TFDP2: variants seen among roughly 807,000 people sequenced by gnomAD.
TFDP2 encodes the protein transcription factor Dp-2, also known as transcription factor Dp-2 (E2F dimerization partner 2).
In TFDP2, 17 loss-of-function variants were observed where a neutral mutation model predicts 59.3. The ratio of observed to expected loss-of-function variants is 0.29; its 90% CI spans 0.20 to 0.43. TFDP2 has a LOEUF of 0.43. Among genes scored for constraint, TFDP2 ranks in the 20% least tolerant of loss-of-function variants. The pLI is 1.00. For missense variants in TFDP2, 391 were observed against 528.8 expected, an observed-to-expected ratio of 0.74 and a Z score of 2.56; for synonymous variants, 180 against 194.7, an observed-to-expected ratio of 0.92 and a Z score of 0.63.
intron 3 of TFDP2, among the ~76,000 whole-genome samples, chr3:142,064,374 T>C (rs780343495): frequency 6.6e-6 from 1 of 152,320 alleles, no homozygotes; most frequent in African/African-American, 2.4e-5. Context: ...GTAATCTTTA[T>C]AACATGCCCT....
intron 3 of TFDP2, among the ~76,000 whole-genome samples, chr3:142,077,620 C>A (rs2060504527): frequency 1.3e-5 from 2 of 152,202 alleles, no homozygotes; most frequent in South Asian, 4.2e-4. Flanking sequence ...CCAGTCCTGG[C>A]AGGATTCCTC....
chr3:142,078,616 A>G (rs1022123107), intron 3 of TFDP2, among the ~76,000 whole-genome samples: 4 of 152,214 alleles, frequency 2.6e-5, no homozygotes, highest in African/African-American at 9.6e-5. Flanking sequence ...TGCCATGACT[A>G]AAAACTTGAA....
At chr3:141,990,133 A>G (rs957147377) in intron 6 of TFDP2, among the ~76,000 whole-genome samples, 1 of 152,164 alleles carries the variant, frequency 6.6e-6, no homozygotes, top group African/African-American at 2.4e-5. Flanking sequence ...ACCTCAAGTG[A>G]TATGGCCACC....
intron 1 of TFDP2, among the ~76,000 whole-genome samples, chr3:142,106,794 A>G (rs1057482755): frequency 4.6e-5 from 7 of 152,080 alleles, no homozygotes; most frequent in African/African-American, 1.2e-4. Context: ...AGACAATGCA[A>G]CTCCCACAGA....
intron 11 of TFDP2, among the ~76,000 whole-genome samples, chr3:141,954,324 G>T (rs1333552501): frequency 6.6e-6 from 1 of 151,978 alleles, no homozygotes; most frequent in Non-Finnish European, 1.5e-5. Flanking sequence ...TTAGCTCAAA[G>T]AAGGCAGTAA....
rs1273113073 is a variant in TFDP2, at chr3:142,073,566, G to A, written c.82+19495C>T. 1.1e-4 allele frequency among the ~76,000 whole-genome samples: 16 copies of A among 148,976 alleles called. No homozygotes were observed. The Admixed American group carries it at 1.1e-3, about 10-fold the overall frequency. On this transcript the variant is annotated intron_variant, in intron 3 of 12. Coordinates refer to ENST00000489671, the MANE Select transcript of TFDP2 (RefSeq NM_001178139.2). ...TTATATTGGACAGAGGAGTGAATGA[G>A]AGGTGACAATGGCACTGAAAGCGTA...
chr3:142,004,968 G>T (rs565419002), intron 4 of TFDP2, among the ~76,000 whole-genome samples: 3 of 152,296 alleles, frequency 2.0e-5, no homozygotes, highest in African/African-American at 4.8e-5. Context: ...TGTTTCTCAA[G>T]CTCAAAACTT....
intron 3 of TFDP2, among the ~76,000 whole-genome samples, chr3:142,008,450 T>C (rs1402719413): frequency 6.6e-6 from 1 of 152,028 alleles, no homozygotes; most frequent in African/African-American, 2.4e-5. Context: ...TTTCACAGTT[T>C]CATCTTCAGC....
At chr3:142,051,633 A>G (rs1349101613) in intron 3 of TFDP2, among the ~76,000 whole-genome samples, 2 of 152,216 alleles carry the variant, frequency 1.3e-5, no homozygotes, top group African/African-American at 4.8e-5. Flanking sequence ...CATGAAGATA[A>G]GACACGTACA....
chr3:142,040,860 T>C (rs1175795749), intron 3 of TFDP2, among the ~76,000 whole-genome samples: 1 of 152,008 alleles, frequency 6.6e-6, no homozygotes, highest in Admixed American at 6.6e-5. Flanking sequence ...ACCATGATCA[T>C]AACACTACAC....
At chr3:142,104,225 A>G (rs1214183992) in intron 1 of TFDP2, among the ~76,000 whole-genome samples, 2 of 152,204 alleles carry the variant, frequency 1.3e-5, no homozygotes, top group African/African-American at 4.8e-5. Flanking sequence ...TACATTTATC[A>G]ATTATTTCTT....
intron 3 of TFDP2, chr3:142,054,036 G>A (rs2059657354): frequency 6.6e-6 from 1 of 152,198 alleles, no homozygotes; most frequent in Non-Finnish European, 1.5e-5. Flanking sequence ...CATACACATT[G>A]CTGATGGGAA....
intron 3 of TFDP2, among the ~76,000 whole-genome samples, chr3:142,013,621 A>T (rs777951922): frequency 5.3e-5 from 8 of 152,194 alleles, no homozygotes; most frequent in Non-Finnish European, 8.8e-5. Context: ...ACTAAATGAG[A>T]TCAATCACCT....
chr3:141,991,149 G>C (rs1252996853), intron 6 of TFDP2, among the ~76,000 whole-genome samples: 1 of 152,156 alleles, frequency 6.6e-6, no homozygotes, highest in Non-Finnish European at 1.5e-5. Context: ...AGTTTCAAAA[G>C]AATTACACCC....
chr3:141,984,276 C>T (rs994626001), intron 6 of TFDP2, among the ~76,000 whole-genome samples: 11 of 152,010 alleles, frequency 7.2e-5, no homozygotes, highest in Admixed American at 6.6e-5. Context: ...CCGAGGTAGG[C>T]GGATCATGAG....
At chr3:142,117,765 T>C (rs2061895802) in intron 1 of TFDP2, among the ~76,000 whole-genome samples, 1 of 152,048 alleles carries the variant, frequency 6.6e-6, no homozygotes. Flanking sequence ...CGCTTTCTCT[T>C]GTAAACAAGG....
chr3:142,029,166 AAG>A (rs1427043726), intron 3 of TFDP2: 1 of 152,608 alleles, frequency 6.6e-6, no homozygotes, highest in Admixed American at 6.5e-5. Flanking sequence ...TCAGGGGGAA[AAG>A]AGGAGGAGAA....
intron 6 of TFDP2, among the ~76,000 whole-genome samples, chr3:141,991,060 AAAAC>A (rs976037619): frequency 3.3e-5 from 5 of 152,048 alleles, no homozygotes; most frequent in East Asian, 1.9e-4. Flanking sequence ...TCCATCTCAA[AAAAC>A]AAACAAACAA....
At chr3:142,109,165 T>C (rs1274318867) in intron 1 of TFDP2, among the ~76,000 whole-genome samples, 1 of 152,180 alleles carries the variant, frequency 6.6e-6, no homozygotes, top group Non-Finnish European at 1.5e-5. Flanking sequence ...GCCTGGCATA[T>C]GGTTGAAGCT....
Sources: allele counts gnomAD v4.1 joint callset (sites outside exome capture counted in the v4.1 genomes callset), GRCh38; gene constraint gnomAD v4.1.1; transcripts MANE v1.5; gene names NCBI Gene and HGNC (gene_info 2026-07-23, HGNC 2026-07-21).